TBC1D31: variants seen among roughly 807,000 people sequenced by gnomAD.
TBC1D31 encodes the protein TBC1 domain family member 31.
A neutral mutation model predicts 132.9 loss-of-function variants in TBC1D31; 99 were observed. The ratio of observed to expected loss-of-function variants is 0.74; its 90% CI spans 0.63 to 0.88. The LOEUF (loss-of-function observed/expected upper bound fraction) is 0.88. Ranked by LOEUF, TBC1D31 falls within the 40% of genes least tolerant of loss-of-function variation. TBC1D31 has a pLI of 0.00. For synonymous variants in TBC1D31, 385 were observed against 419.4 expected (o/e 0.92, Z 1.00); for missense variants, 1,134 against 1,256.6 (o/e 0.90, Z 1.48).
At chr8:123,084,418 A>G in intron 4 of TBC1D31, 78 bp downstream of exon 4, 1 of 1,351,602 alleles carries the variant, frequency 7.4e-7, no homozygotes, top group African/African-American at 1.4e-5. Context: ...AGATGATATA[A>G]GAGTAATGAT....
Position 123,093,657 on chromosome 8 carries a change from G to C in TBC1D31, c.586G>C (p.Glu196Gln). 3 of 1,610,984 alleles carry C rather than the reference G, an allele frequency of 1.9e-6. No individual in the cohort carries two copies. The highest frequency in any genetic ancestry group is 2.5e-6 in the Non-Finnish European group (3 of 1,177,830). The change falls in exon 5 of 22, where the codon GAA becomes CAA. Residue 196 changes from glutamate (E) to glutamine (Q), a missense_variant. Coordinates refer to ENST00000287380, the MANE Select transcript of TBC1D31 (RefSeq NM_145647.4). The stretch of plus-strand genomic sequence containing the variant: ...TAAAGATAATTCCATTTTTGCCTGG[G>C]AATGTGACACACTTTTTTGCAAATA... ...CFKDNSIFAW[E>Q]CDTLFCKYQL...
In TBC1D31 at chr8:123,130,238, C is replaced by T. The variant is rs1246936870; in HGVS notation, c.2311C>T (p.His771Tyr). ...AAGAGAGCTGAAAGTAAAGGAAATG[C>T]ACTTACAAGATGCTGCAAGAAGGCG... ...VKRELKVKEM[H>Y]LQDAARRRFL... Residue 771 changes from histidine (H) to tyrosine (Y), a missense_variant, in exon 16 of 22, where the codon CAC (histidine) becomes TAC (tyrosine). Coordinates refer to ENST00000287380, the MANE Select transcript of TBC1D31 (RefSeq NM_145647.4). 1.9e-6 allele frequency: 3 copies of T among 1,612,612 alleles called. No homozygotes were observed. The highest frequency in any genetic ancestry group is 1.3e-5 in the African/African-American group (1 of 74,998).
intron 1 of TBC1D31, among the ~76,000 whole-genome samples, chr8:123,076,480 G>A (rs1814529433): frequency 6.6e-6 from 1 of 151,896 alleles, no homozygotes; most frequent in Non-Finnish European, 1.5e-5. Flanking sequence ...GTTTTATATG[G>A]CAGTATGATT....
chr8:123,082,125 C>G (rs1815226083), intron 2 of TBC1D31, among the ~76,000 whole-genome samples: 1 of 152,148 alleles, frequency 6.6e-6, no homozygotes, highest in African/African-American at 2.4e-5. Flanking sequence ...ATTTCCTACC[C>G]CCAAACTTAT....
At chr8:123,096,065 C>T (rs1334393797) in intron 5 of TBC1D31, among the ~76,000 whole-genome samples, 1 of 152,104 alleles carries the variant, frequency 6.6e-6, no homozygotes, top group African/African-American at 2.4e-5. Context: ...CTATAATAGC[C>T]TTCTTATTTG....
intron 1 of TBC1D31, chr8:123,073,301 T>G: frequency 2.2e-6 from 1 of 458,158 alleles, no homozygotes; most frequent in South Asian, 1.5e-5. Flanking sequence ...AATCCTTGGA[T>G]GTGTTTAGAC....
chr8:123,134,290 A>G (rs778824349), intron 17 of TBC1D31, 84 bp downstream of exon 17: 1 of 1,047,514 alleles, frequency 9.5e-7, no homozygotes. Context: ...GCACTTTGGG[A>G]GGATGAGGTG....
chr8:123,082,475 A>T (rs890826522), intron 2 of TBC1D31: 13 of 466,852 alleles, frequency 2.8e-5, no homozygotes, highest in Middle Eastern at 5.3e-4. Flanking sequence ...TTCCTAAAAC[A>T]CATACCTGAT....
At position 123,086,751 on chromosome 8, in the gene TBC1D31, G is replaced by A. The variant is rs116281632; in HGVS notation, c.519+2411G>A. Among the ~76,000 whole-genome samples, 553 of 150,048 alleles carry A rather than the reference G, an allele frequency of 3.7e-3. 2 individuals carry two copies. The highest frequency in any genetic ancestry group is 0.013 in the African/African-American group (535 of 40,720). On this transcript the variant is annotated intron_variant, in intron 4 of 21. Coordinates refer to ENST00000287380, the MANE Select transcript of TBC1D31 (RefSeq NM_145647.4). ...TTTTTTTCCTTTGCAACGGAATCTGGCTCTGGCATCCAGGCTGGAGTGCAG... is the reference window on the plus strand; with the variant it reads ...TTTTTTTCCTTTGCAACGGAATCTGACTCTGGCATCCAGGCTGGAGTGCAG...
intron 1 of TBC1D31, among the ~76,000 whole-genome samples, chr8:123,075,859 C>G (rs1266156614): frequency 6.6e-6 from 1 of 152,064 alleles, no homozygotes; most frequent in Admixed American, 6.5e-5. Flanking sequence ...TTATTTTGTG[C>G]TGTAAGTTAA....
intron 20 of TBC1D31, among the ~76,000 whole-genome samples, chr8:123,147,237 A>G (rs2130955165): frequency 6.6e-6 from 1 of 152,054 alleles, no homozygotes; most frequent in African/African-American, 2.4e-5. Flanking sequence ...CAGTGGCACA[A>G]TCTCGGCTCA....
chr8:123,157,801 G>A, the TBC1D31 span, among the ~76,000 whole-genome samples: 1 of 151,942 alleles, frequency 6.6e-6, no homozygotes, highest in African/African-American at 2.4e-5. Flanking sequence ...ACTCCTCCCG[G>A]CGCCCCAGGT....
rs1489429615 is a variant in TBC1D31 at position 123,128,359 on chromosome 8, A to G, written c.1963A>G (p.Thr655Ala). The change falls in exon 14 of 22, where the codon ACT becomes GCT. Residue 655 changes from threonine to alanine, a missense_variant. Physicochemically the swap from Thr to Ala is moderately conservative, Grantham distance 58 (BLOSUM62 0). Transcript: ENST00000287380. ...TTATCATCTCATGGAGACCACGCCTACTGACATTCATCCAGACAGCATGCT... is the reference window on the plus strand; with the variant it reads ...TTATCATCTCATGGAGACCACGCCTGCTGACATTCATCCAGACAGCATGCT... ...QVYHLMETTP[T>A]DIHPDSMLNV... 5 of 1,613,448 alleles carry G rather than the reference A, an allele frequency of 3.1e-6. No individual in the cohort carries two copies. Among genetic ancestry groups the G allele is most frequent in the Non-Finnish European group, 2.5e-6 (3 of 1,179,442 alleles).
intron 10 of TBC1D31, among the ~76,000 whole-genome samples, chr8:123,109,889 T>C (rs926776384): frequency 6.6e-6 from 1 of 152,188 alleles, no homozygotes; most frequent in African/African-American, 2.4e-5. Flanking sequence ...AGGTCAGGAA[T>C]TGGCGACCAG....
intron 10 of TBC1D31, among the ~76,000 whole-genome samples, chr8:123,113,702 TGTAC>T: frequency 6.6e-6 from 1 of 152,220 alleles, no homozygotes; most frequent in South Asian, 2.1e-4. Flanking sequence ...TCTGTGTAGG[TGTAC>T]TTTAAATTAT....
In TBC1D31 at chr8:123,142,450, C is replaced by A; in HGVS notation, c.2829C>A (p.Ala943=). 2.6e-6 allele frequency: 4 copies of A among 1,539,904 alleles called. No homozygotes were observed. Among genetic ancestry groups the A allele is most frequent in the East Asian group, 2.4e-5 (1 of 41,996 alleles). Residue 943 remains alanine (A), a synonymous_variant, in exon 19 of 22, where the codon GCC becomes GCA. Coordinates refer to ENST00000287380, the MANE Select transcript of TBC1D31 (RefSeq NM_145647.4). ...EIINAMVEEE[A]KKWKEAEGKE... ...TAAATGCAATGGTGGAGGAGGAAGC[C>A]AAGAAGGTAAAAAATAGTGTTATAA...
intron 11 of TBC1D31, among the ~76,000 whole-genome samples, chr8:123,121,001 C>CA (rs1819427207): frequency 7.1e-6 from 1 of 141,244 alleles, no homozygotes. Flanking sequence ...CTCACTGTGT[C>CA]ACCTAGGCTG....
At chr8:123,163,728 G>C in the TBC1D31 span, among the ~76,000 whole-genome samples, 1 of 152,036 alleles carries the variant, frequency 6.6e-6, no homozygotes, top group African/African-American at 2.4e-5. Context: ...GTGGTTTTTG[G>C]TTACATGGAT....
intron 17 of TBC1D31, among the ~76,000 whole-genome samples, chr8:123,138,129 G>T (rs574385934): frequency 2.0e-4 from 31 of 152,084 alleles, no homozygotes; most frequent in African/African-American, 7.5e-4. Flanking sequence ...ACACATACAT[G>T]ATTTTACTTC....
Sources: gnomAD v4.1 joint callset for allele counts (sites outside exome capture counted in the v4.1 genomes callset) on GRCh38, gnomAD v4.1.1 for gene constraint, MANE v1.5 for transcripts, NCBI Gene and HGNC (gene_info 2026-07-23, HGNC 2026-07-21) for gene names.